PRIM2: variants seen among roughly 807,000 people sequenced by gnomAD.
PRIM2 encodes the protein DNA primase subunit 2, also known as DNA primase large subunit.
In PRIM2, 39 loss-of-function variants were observed where a neutral mutation model predicts 67.3. That is an observed-to-expected ratio of 0.58 (90% CI 0.45 to 0.76). The LOEUF (loss-of-function observed/expected upper bound fraction) is 0.76. Among genes scored for constraint, PRIM2 ranks in the 30% least tolerant of loss-of-function variants. PRIM2 has a pLI of 0.00. For missense variants in PRIM2, 398 were observed against 598.7 expected, an observed-to-expected ratio of 0.66 and a Z score of 3.50; for synonymous variants, 143 against 198.7, an observed-to-expected ratio of 0.72 and a Z score of 2.36.
chr6:57,579,608 CAGTG>C (rs1776041586), intron 10 of PRIM2, among the ~76,000 whole-genome samples: 1 of 151,822 alleles, frequency 6.6e-6, no homozygotes, highest in African/African-American at 2.4e-5. Context: ...TGATAATTAA[CAGTG>C]TAAGTAGAAG....
chr6:57,449,882 T>A (rs567026147), intron 7 of PRIM2, among the ~76,000 whole-genome samples: 1 of 152,178 alleles, frequency 6.6e-6, no homozygotes, highest in African/African-American at 2.4e-5. Flanking sequence ...ACTACCATTG[T>A]GGAGAAGACA....
chr6:57,632,299 A>G, intron 13 of PRIM2, 98 bp downstream of exon 13: 6 of 553,224 alleles, frequency 1.1e-5, no homozygotes, highest in Non-Finnish European at 1.7e-5. Flanking sequence ...CACTCTAGCT[A>G]TTTTCAGCAG....
At chr6:57,348,587 C>G (rs899976036) in intron 5 of PRIM2, among the ~76,000 whole-genome samples, 1 of 152,004 alleles carries the variant, frequency 6.6e-6, no homozygotes, top group South Asian at 2.1e-4. Context: ...ATAGTCACCC[C>G]TGCTGGATAT....
intron 10 of PRIM2, among the ~76,000 whole-genome samples, chr6:57,584,399 T>A (rs1408785169): frequency 6.6e-6 from 1 of 152,194 alleles, no homozygotes; most frequent in Non-Finnish European, 1.5e-5. Context: ...GCTTAATGAG[T>A]GGCCACATCA....
chr6:57,318,366 C>A, intron 1 of PRIM2, 71 bp from the exon 2 acceptor site: 1 of 1,394,812 alleles, frequency 7.2e-7, no homozygotes, highest in Non-Finnish European at 9.7e-7. Flanking sequence ...ATTATTTTTT[C>A]GTGTTTTTTC....
At chr6:57,285,859 C>A in the PRIM2 span, among the ~76,000 whole-genome samples, 26 of 152,260 alleles carry the variant, frequency 1.7e-4, no homozygotes, top group African/African-American at 5.5e-4. Flanking sequence ...TAGAAAACCC[C>A]ATCGTCTCAG....
At chr6:57,308,493 G>A in the PRIM2 span, among the ~76,000 whole-genome samples, 1 of 152,080 alleles carries the variant, frequency 6.6e-6, no homozygotes, top group African/African-American at 2.4e-5. Context: ...GAATGTTCTT[G>A]TTCATGTTTT....
intron 5 of PRIM2, among the ~76,000 whole-genome samples, chr6:57,355,110 C>T (rs988627707): frequency 2.0e-5 from 3 of 152,286 alleles, no homozygotes; most frequent in African/African-American, 7.2e-5. Flanking sequence ...TTGAGACCAG[C>T]CTTAACAGCA....
At chr6:57,517,884 G>A (rs1774520034) in intron 8 of PRIM2, among the ~76,000 whole-genome samples, 1 of 152,160 alleles carries the variant, frequency 6.6e-6, no homozygotes. Flanking sequence ...CAGCTAGCAA[G>A]CTGTGATTCC....
chr6:57,597,609 C>A (rs1474164111), intron 10 of PRIM2, among the ~76,000 whole-genome samples: 1 of 151,870 alleles, frequency 6.6e-6, no homozygotes, highest in Non-Finnish European at 1.5e-5. Flanking sequence ...TATTACTGTC[C>A]CTATAGATTA....
At chr6:57,483,352 C>G (rs1773674723) in intron 7 of PRIM2, among the ~76,000 whole-genome samples, 1 of 152,166 alleles carries the variant, frequency 6.6e-6, no homozygotes, top group Non-Finnish European at 1.5e-5. Context: ...GGAATGCCAA[C>G]AGCATTAACA....
chr6:57,310,114 C>T (rs555799244), upstream of PRIM2, among the ~76,000 whole-genome samples: 3 of 152,000 alleles, frequency 2.0e-5, no homozygotes, highest in African/African-American at 7.2e-5. Context: ...ACAAACAACC[C>T]CATCAAAAAG....
chr6:57,428,859 A>G (rs1196366302), intron 7 of PRIM2, among the ~76,000 whole-genome samples: 1 of 152,222 alleles, frequency 6.6e-6, no homozygotes. Flanking sequence ...ACTAAACTAC[A>G]GACCTTATTC....
At chr6:57,318,677 C>A in intron 2 of PRIM2, 78 bp downstream of exon 2, 16 of 1,126,444 alleles carry the variant, frequency 1.4e-5, no homozygotes, top group East Asian at 2.6e-5. Flanking sequence ...GAAGGTAATT[C>A]ATTTCCTTCA....
At chr6:57,267,443 A>G in the PRIM2 span, among the ~76,000 whole-genome samples, 6 of 152,070 alleles carry the variant, frequency 3.9e-5, no homozygotes, top group Admixed American at 2.6e-4. Context: ...TCCCAGTGGC[A>G]TCTCTTTGAG....
chr6:57,290,300 G>A, the PRIM2 span, among the ~76,000 whole-genome samples: 12 of 152,216 alleles, frequency 7.9e-5, no homozygotes, highest in African/African-American at 2.2e-4. Flanking sequence ...AACAAGAAGA[G>A]CTAACTATCC....
rs35064816 is a variant in PRIM2, at chr6:57,397,896, A to ATTTT, written c.693+15743_693+15746dup. Among the ~76,000 whole-genome samples the ATTTT allele has an allele frequency of 3.2e-3, 381 of 118,782 alleles. 5 individuals are homozygous for ATTTT. The highest frequency in any genetic ancestry group is 0.012 in the African/African-American group (348 of 29,914). 77.9% of individuals were successfully genotyped at this position (118,782 alleles called of 152,430 possible). ...AAGTTGCTAATTTGAGATCTTTCTA[A>ATTTT]TTTTTTTTTTTTTTTTTTGAGACGG... On this transcript the variant is annotated intron_variant, in intron 7 of 13. Coordinates refer to ENST00000615550, the MANE Select transcript of PRIM2 (RefSeq NM_000947.5).
chr6:57,590,169 G>A (rs1182562500), intron 10 of PRIM2, among the ~76,000 whole-genome samples: 1,593 of 152,194 alleles, frequency 0.01, 36 homozygotes, highest in South Asian at 0.077. Context: ...ACATTTATCT[G>A]GAGCACTGGA....
chr6:57,563,732 C>T (rs1285548152), intron 10 of PRIM2, among the ~76,000 whole-genome samples: 1 of 152,212 alleles, frequency 6.6e-6, no homozygotes, highest in African/African-American at 2.4e-5. Flanking sequence ...ACCTCCGCCT[C>T]CTGGGTTCAA....
Sources: allele counts gnomAD v4.1 joint callset (sites outside exome capture counted in the v4.1 genomes callset), GRCh38; gene constraint gnomAD v4.1.1; transcripts MANE v1.5; gene names NCBI Gene and HGNC (gene_info 2026-07-23, HGNC 2026-07-21).